The following WRAP53 variants were observed in gnomAD, a reference collection of about 807,000 sequenced individuals.
WRAP53 encodes WD repeat containing antisense to TP53.
A neutral mutation model predicts 56.6 loss-of-function variants in WRAP53; 28 were observed. The ratio of observed to expected loss-of-function variants is 0.50; its 90% confidence interval spans 0.37 to 0.68. The LOEUF (loss-of-function observed/expected upper bound fraction) is 0.68, where lower values mean the gene tolerates loss of function less well. Ranked by LOEUF, WRAP53 falls within the 30% of genes least tolerant of loss-of-function variation. The pLI is 0.00. For synonymous variants in WRAP53, 283 were observed against 283.4 expected (o/e 1.00, Z 0.01); for missense variants, 671 against 715.5 (o/e 0.94, Z 0.71).
upstream of WRAP53, chr17:7,686,293 C>G (rs184462327): frequency 3.9e-5 from 6 of 152,208 alleles, no homozygotes; most frequent in East Asian, 1.2e-3. Flanking sequence ...GATTCTCAGA[C>G]GTACCCATTC....
intron 4 of WRAP53, among the ~76,000 whole-genome samples, chr17:7,689,991 C>T (rs1271569483): frequency 6.6e-6 from 1 of 152,198 alleles, no homozygotes; most frequent in Admixed American, 6.6e-5. Flanking sequence ...CTCTGTCACC[C>T]AGGCTGGAGT....
chr17:7,688,725 C>G lies in WRAP53; in HGVS notation c.77C>G (p.Ser26Cys). 1 of 1,614,222 alleles carries G rather than the reference C, an allele frequency of 6.2e-7. No individual in the cohort carries two copies. Among genetic ancestry groups the G allele is most frequent in the South Asian group, 1.1e-5 (1 of 91,086 alleles). ...SDQDPAPAHPSPHASPMNKNA... is the reference protein window; with the variant it reads ...SDQDPAPAHPCPHASPMNKNA... The stretch of plus-strand genomic sequence containing the variant: ...CAGGACCCAGCTCCAGCCCATCCTT[C>G]TCCCCACGCTTCCCCGATGAATAAA... The change falls in exon 2 of 11, where the codon TCT becomes TGT. Residue 26 changes from serine (S) to cysteine (C), a missense_variant. Ser to Cys is a moderately radical substitution (Grantham distance 112, BLOSUM62 -1). Around this residue, in one of 3 missense-constraint regions of WRAP53, gnomAD observed 406 missense variants for 418.5 expected, o/e 0.97. Transcript: ENST00000396463.
chr17:7,694,627 G>A (rs1490869614), intron 4 of WRAP53, among the ~76,000 whole-genome samples: 1 of 152,122 alleles, frequency 6.6e-6, no homozygotes, highest in Non-Finnish European at 1.5e-5. Context: ...CAAGGTGGGA[G>A]GAATGCTTGA....
chr17:7,689,150 T>A, intron 2 of WRAP53, 71 bp downstream of exon 2: 5 of 1,613,588 alleles, frequency 3.1e-6, no homozygotes, highest in Non-Finnish European at 4.2e-6. Context: ...CCTCTGGTCC[T>A]GAGACCCACT....
chr17:7,688,625 T>TG, intron 1 of WRAP53, 23 bp from the exon 2 acceptor site: 1 of 1,613,898 alleles, frequency 6.2e-7, no homozygotes, highest in Non-Finnish European at 8.5e-7. Flanking sequence ...CTGAGGCTAA[T>TG]CTCCGCTGTG....
At chr17:7,692,719 T>A (rs1369539515) in intron 4 of WRAP53, among the ~76,000 whole-genome samples, 1 of 148,280 alleles carries the variant, frequency 6.7e-6, no homozygotes, top group Non-Finnish European at 1.5e-5. Flanking sequence ...CTTGTCAAGG[T>A]CACTAATGTC....
intron 4 of WRAP53, among the ~76,000 whole-genome samples, chr17:7,692,879 GA>G: frequency 6.8e-6 from 1 of 146,456 alleles, no homozygotes; most frequent in Non-Finnish European, 1.5e-5. Context: ...AGCCTCTCCC[GA>G]GTAGCTGGGA....
Position 7,700,740 on chromosome 17 carries a change from G to C in WRAP53, c.643-1G>C. 6.2e-7 allele frequency: 1 copy of C among 1,610,928 alleles called. No individual in the cohort carries two copies. The highest frequency in any genetic ancestry group is 8.5e-7 in the Non-Finnish European group (1 of 1,177,496). On this transcript the variant is annotated splice_acceptor_variant, in intron 4 of 10. Transcript: ENST00000396463. LOFTEE classifies it high-confidence loss of function. Reference sequence around the variant, plus strand: ...TCAGCCATTCCCCCGTCTCTGTATAGGTCCCTGTCCTTCGAATGGTGGAAG... The same window carrying C: ...TCAGCCATTCCCCCGTCTCTGTATACGTCCCTGTCCTTCGAATGGTGGAAG...
At chr17:7,688,312 G>C, upstream of WRAP53, 1 of 373,796 alleles carries the variant, frequency 2.7e-6, no homozygotes, top group Non-Finnish European at 4.9e-6. Context: ...AGGAGCCCTA[G>C]GGCTTGATGG....
rs1367436900 is a variant in WRAP53 at position 7,701,784 on chromosome 17, C to T, written c.950C>T (p.Thr317Ile). 6.2e-7 allele frequency: 1 copy of T among 1,613,924 alleles called. No homozygotes were observed. ...GGCCGAGACTGCGAGGTCCGAGCCACATTTGGTAAGCATCTGTGCCTCCAA... is the reference window on the plus strand; with the variant it reads ...GGCCGAGACTGCGAGGTCCGAGCCATATTTGGTAAGCATCTGTGCCTCCAA... ...RPGRDCEVRA[T>I]FAKKQGQSGI... The change falls in exon 7 of 11, where the codon ACA becomes ATA. Residue 317 changes from threonine (T) to isoleucine (I), a missense_variant. By Grantham distance (89) the Thr-to-Ile change is moderately conservative. This residue lies in a region of WRAP53 where 406 missense variants were observed against 418.5 expected (regional missense o/e 0.97). Coordinates refer to ENST00000396463, the MANE Select transcript of WRAP53 (RefSeq NM_001143992.2). This position sits in a 1 kb window ranked among gnomAD's most constrained non-coding sequence, Gnocchi z 4.2.
At chr17:7,688,300 C>G (rs1394905794), upstream of WRAP53, 2 of 319,584 alleles carry the variant, frequency 6.3e-6, no homozygotes, top group Non-Finnish European at 1.2e-5. Context: ...CCAGCAGCCA[C>G]GAGGAGCCCT....
intron 4 of WRAP53, among the ~76,000 whole-genome samples, chr17:7,696,227 G>T (rs1399636561): frequency 2.6e-5 from 4 of 151,760 alleles, no homozygotes. Context: ...AAAGCCAGTG[G>T]GTTGAAAGTG....
intron 4 of WRAP53, among the ~76,000 whole-genome samples, chr17:7,698,250 A>G (rs189849292): frequency 6.6e-6 from 1 of 152,348 alleles, no homozygotes; most frequent in Admixed American, 6.5e-5. Flanking sequence ...TGTGTACAGA[A>G]TGTTAAAGCA....
At chr17:7,696,634 G>A (rs1017651896) in intron 4 of WRAP53, among the ~76,000 whole-genome samples, 6 of 152,170 alleles carry the variant, frequency 3.9e-5, no homozygotes, top group Non-Finnish European at 8.8e-5. Flanking sequence ...AGCAGATAGA[G>A]ATAAGCCTTG....
At position 7,699,476 on chromosome 17, in the gene WRAP53, T is replaced by TTTTA. The variant is rs1491298527; in HGVS notation, c.643-1264_643-1263insTTAT. On this transcript the variant is annotated intron_variant, in intron 4 of 10. Coordinates refer to ENST00000396463, the MANE Select transcript of WRAP53 (RefSeq NM_001143992.2). ...TATATATTTATATATATATATATAT[T>TTTTA]TATATATATATATATATATATATAT... Among the ~76,000 whole-genome samples the TTTTA allele has an allele frequency of 4.2e-3, 48 of 11,396 alleles. 3 individuals are homozygous for TTTTA. The highest frequency in any genetic ancestry group is 0.017 in the South Asian group (5 of 296). The allele number at this position is 11,396 out of a possible 152,430, so 7.5% of individuals were successfully genotyped here. A position where few individuals can be genotyped will look rare whatever the true frequency, so the allele number is the denominator to read the frequency against.
chr17:7,702,404 T>C lies in WRAP53; in HGVS notation c.1016T>C (p.Leu339Pro), dbSNP rs780213284. 3.1e-6 allele frequency: 5 copies of C among 1,614,104 alleles called. No homozygotes were observed. Among genetic ancestry groups the C allele is most frequent in the Non-Finnish European group, 3.4e-6 (4 of 1,180,014 alleles). The change falls in exon 8 of 11, where the codon CTC (leucine) becomes CCC (proline). Residue 339 changes from leucine to proline, a missense_variant. By Grantham distance (98) the Leu-to-Pro change is moderately conservative. Coordinates refer to ENST00000396463, the MANE Select transcript of WRAP53 (RefSeq NM_001143992.2). The surrounding 1 kb of genome is among the most constrained non-coding windows in gnomAD (Gnocchi z 5.0). Reference protein sequence around the residue: ...SCIAFSPAQPLYACGSYGRSL... With the variant: ...SCIAFSPAQPPYACGSYGRSL... ...ATAGCCTTCAGCCCAGCCCAGCCCCTCTATGCCTGTGGCTCCTACGGCCGC... is the reference window on the plus strand; with the variant it reads ...ATAGCCTTCAGCCCAGCCCAGCCCCCCTATGCCTGTGGCTCCTACGGCCGC...
Position 7,688,926 on chromosome 17 carries a change from T to TC in WRAP53, c.279dup (p.Glu94ArgfsTer7), listed in dbSNP as rs1052321034. The TC allele has an allele frequency of 6.2e-7, 1 of 1,614,002 alleles. No individual in the cohort carries two copies. Among genetic ancestry groups the TC allele is most frequent in the Non-Finnish European group, 8.5e-7 (1 of 1,180,036 alleles). On this transcript the variant is annotated frameshift_variant, in exon 2 of 11. Coordinates refer to ENST00000396463, the MANE Select transcript of WRAP53 (RefSeq NM_001143992.2). LOFTEE classifies it high-confidence loss of function. ...TCCCCTAGTGAGTTGAGTCCTCGAATCGAGGAGCAAGAACTTTCTGAAAAT... is the reference window on the plus strand; with the variant it reads ...TCCCCTAGTGAGTTGAGTCCTCGAATCCGAGGAGCAAGAACTTTCTGAAAAT...
intron 4 of WRAP53, among the ~76,000 whole-genome samples, chr17:7,690,078 A>G (rs2074088931): frequency 6.6e-6 from 1 of 152,116 alleles, no homozygotes; most frequent in Admixed American, 6.6e-5. Context: ...CCTCACAAGT[A>G]GCTGGTATTA....
At chr17:7,692,902 C>T (rs892510445) in intron 4 of WRAP53, among the ~76,000 whole-genome samples, 13 of 151,472 alleles carry the variant, frequency 8.6e-5, no homozygotes, top group Non-Finnish European at 1.8e-4. Context: ...TACAGGCGCC[C>T]GCCACCACGC....
Sources: gnomAD v4.1 joint callset for allele counts (sites outside exome capture counted in the v4.1 genomes callset) on GRCh38, gnomAD v4.1.1 for gene constraint, gnomAD v4.1.1 regional missense constraint, Gnocchi (gnomAD v3.1) non-coding constraint, MANE v1.5 for transcripts, NCBI Gene and HGNC (gene_info 2026-07-23, HGNC 2026-07-21) for gene names.